The following ADRA1A variants were observed in gnomAD, a reference collection of about 807,000 sequenced individuals.
ADRA1A encodes alpha-1A adrenergic receptor.
A neutral mutation model predicts 29.6 loss-of-function variants in ADRA1A; 31 were observed. That is an observed-to-expected ratio of 1.05 (90% CI 0.79 to 1.41). ADRA1A has a LOEUF of 1.41. Ranked by LOEUF, ADRA1A falls within the 40% of genes most tolerant of loss-of-function variation. The pLI, the probability that ADRA1A is intolerant of heterozygous loss-of-function variation, is 0.00. For missense variants in ADRA1A, 619 were observed against 601.1 expected (o/e 1.03, Z -0.31); for synonymous variants, 311 against 254.3 (o/e 1.22, Z -2.12).
At position 26,864,661 on chromosome 8, in the gene ADRA1A, C is replaced by A; in HGVS notation, c.309G>T (p.Ala103=). The A allele has an allele frequency of 6.2e-7, 1 of 1,614,146 alleles. No individual in the cohort carries two copies. Among genetic ancestry groups the A allele is most frequent in the Non-Finnish European group, 8.5e-7 (1 of 1,180,032 alleles). ...AFGRVFCNIW[A]AVDVLCCTAS... ...CGGTGCAGCACAGCACATCCACTGC[C>A]GCCCAGATGTTGCAGAAGACCCTGC... Residue 103 remains alanine (A), a synonymous_variant, in exon 2 of 3, where the codon GCG becomes GCT. Coordinates refer to ENST00000380573, the MANE Select transcript of ADRA1A (RefSeq NM_000680.4). The surrounding 1 kb of genome is among the most constrained non-coding windows in gnomAD (Gnocchi z 8.1).
chr8:26,786,703 C>T (rs1807412702), intron 2 of ADRA1A, among the ~76,000 whole-genome samples: 1 of 151,408 alleles, frequency 6.6e-6, no homozygotes, highest in African/African-American at 2.4e-5. Flanking sequence ...GATCTTTGAT[C>T]CCCTTCCACC....
At chr8:26,833,832 C>T (rs498989) in intron 2 of ADRA1A, among the ~76,000 whole-genome samples, 73,294 of 152,042 alleles carry the variant, frequency 0.48, 18,573 homozygotes, top group Non-Finnish European at 0.55. Context: ...TTTCTGTTGA[C>T]ATGAAAAGAA....
chr8:26,786,748 G>GCA (rs1807422541), intron 2 of ADRA1A, among the ~76,000 whole-genome samples: 1 of 151,446 alleles, frequency 6.6e-6, no homozygotes, highest in East Asian at 1.9e-4. Flanking sequence ...CTGGGTTGGG[G>GCA]GGGGGGGTCT....
At chr8:26,757,523 C>CA (rs901296636) in intron 2 of ADRA1A, among the ~76,000 whole-genome samples, 2 of 151,606 alleles carry the variant, frequency 1.3e-5, no homozygotes, top group African/African-American at 4.9e-5. Flanking sequence ...CCCCCACCCC[C>CA]CACCTCTGCT....
At chr8:26,761,323 G>T (rs1805491444), downstream of ADRA1A, among the ~76,000 whole-genome samples, 1 of 152,208 alleles carries the variant, frequency 6.6e-6, no homozygotes, top group Admixed American at 6.5e-5. Context: ...ATAACATTTT[G>T]TATGGGCAGA....
At position 26,860,732 on chromosome 8, in the gene ADRA1A, C is replaced by T. The variant is rs1469177423; in HGVS notation, c.883+3355G>A. Among the ~76,000 whole-genome samples, 1 of 152,156 alleles carries T rather than the reference C, an allele frequency of 6.6e-6. No homozygotes were observed. The highest frequency in any genetic ancestry group is 1.5e-5 in the Non-Finnish European group (1 of 68,028). On this transcript the variant is annotated intron_variant, in intron 2 of 2. Transcript: ENST00000380573. The surrounding 1 kb of genome is among the most constrained non-coding windows in gnomAD (Gnocchi z 4.7). ...CCCTCTGTCTCTACTTGCCTCAGGG[C>T]TCACACACTTTGCTCTCCTTGTCAC...
rs548861271 is a variant in ADRA1A at position 26,774,753 on chromosome 8, C to G, written c.884-4087G>C. Among the ~76,000 whole-genome samples the G allele has an allele frequency of 9.9e-5, 15 of 152,126 alleles. No individual in the cohort carries two copies. In the South Asian group the frequency reaches 2.1e-3, roughly 21 times the overall value. Reference sequence around the variant, plus strand: ...CCACGTATTTCTTCCTTTATTTTTCCTCTCCTAGAAAGGAGAGATGGGGCT... The same window carrying G: ...CCACGTATTTCTTCCTTTATTTTTCGTCTCCTAGAAAGGAGAGATGGGGCT... On this transcript the variant is annotated intron_variant, in intron 2 of 2. Coordinates refer to ENST00000380573, the MANE Select transcript of ADRA1A (RefSeq NM_000680.4).
At chr8:26,756,714 C>G (rs773596300) in exon 3 of ADRA1A, 1 of 1,614,068 alleles carries the variant, frequency 6.2e-7, no homozygotes. Flanking sequence ...TCATGCTCCC[C>G]TTCCTTGGGC....
chr8:26,828,824 G>T (rs952392739), intron 2 of ADRA1A, among the ~76,000 whole-genome samples: 2 of 152,042 alleles, frequency 1.3e-5, no homozygotes, highest in African/African-American at 4.8e-5. Flanking sequence ...ATGGCTATTT[G>T]CTAGGGACAC....
At chr8:26,771,352 A>G (rs980654855) in intron 2 of ADRA1A, among the ~76,000 whole-genome samples, 2 of 152,162 alleles carry the variant, frequency 1.3e-5, no homozygotes, top group Admixed American at 1.3e-4. Context: ...CCAGCTTTCT[A>G]ATATGACTAG....
chr8:26,748,947 G>A (rs1439535064), intron 2 of ADRA1A, among the ~76,000 whole-genome samples: 1 of 152,100 alleles, frequency 6.6e-6, no homozygotes, highest in African/African-American at 2.4e-5. Flanking sequence ...CAGCAGGTGA[G>A]TGTCACCTTT....
chr8:26,789,137 T>A (rs898765138), intron 2 of ADRA1A, among the ~76,000 whole-genome samples: 1 of 151,766 alleles, frequency 6.6e-6, no homozygotes, highest in Admixed American at 6.6e-5. Flanking sequence ...AGGTGTGATG[T>A]TCCCCTAAAT....
chr8:26,775,088 T>A lies in ADRA1A; in HGVS notation c.884-4422A>T, dbSNP rs1359214793. ...GTGGGGAAGTCCATTCGAGCAGCCA[T>A]CCGGCCGGCTTTGCTCACTCACGGA... On this transcript the variant is annotated intron_variant, in intron 2 of 2. Coordinates refer to ENST00000380573, the MANE Select transcript of ADRA1A (RefSeq NM_000680.4). The surrounding 1 kb of genome is among the most constrained non-coding windows in gnomAD (Gnocchi z 4.1). 6.6e-6 allele frequency among the ~76,000 whole-genome samples: 1 copy of A among 152,116 alleles called. No individual in the cohort carries two copies. The highest frequency in any genetic ancestry group is 1.5e-5 in the Non-Finnish European group (1 of 68,018).
chr8:26,838,753 G>A (rs1024303866), intron 2 of ADRA1A, among the ~76,000 whole-genome samples: 6 of 152,194 alleles, frequency 3.9e-5, no homozygotes, highest in African/African-American at 1.4e-4. Context: ...GAAGATAAAG[G>A]TACTGTGTGC....
At position 26,757,218 on chromosome 8, in the gene ADRA1A, A is replaced by C. The variant is rs1805221633; in HGVS notation, c.1270-439T>G. 6 of 696,138 alleles carry C rather than the reference A, an allele frequency of 8.6e-6. No homozygotes were observed. The South Asian group carries it at 9.0e-5, about 10-fold the overall frequency. The allele number at this position is 696,138 out of a possible 1,614,324, so 43.1% of individuals were successfully genotyped here. ...TTTTCCTCTCTTTAAAACAAGTTTGAGATTCTGAGTCACGAGAGACCATTT... is the reference window on the plus strand; with the variant it reads ...TTTTCCTCTCTTTAAAACAAGTTTGCGATTCTGAGTCACGAGAGACCATTT... On this transcript the variant is annotated intron_variant, in intron 2 of 2. Transcript: ENST00000380582.
Position 26,769,468 on chromosome 8 carries a change from C to T in ADRA1A, c.*681G>A. On this transcript the variant is annotated 3_prime_UTR_variant, in exon 3 of 3. Transcript: ENST00000380573. The stretch of plus-strand genomic sequence containing the variant: ...TTGGTTCTTTCAACCCTCTCCTGAC[C>T]CAAGGATAGAGAACACTACATTCCA... 1 of 985,346 alleles carries T rather than the reference C, an allele frequency of 1.0e-6. No individual in the cohort carries two copies. The highest frequency in any genetic ancestry group is 1.2e-6 in the Non-Finnish European group (1 of 829,926). 61.0% of individuals were successfully genotyped at this position (985,346 alleles called of 1,614,324 possible).
In ADRA1A at chr8:26,848,400, A is replaced by C. The variant is rs760509225; in HGVS notation, c.883+15687T>G. On this transcript the variant is annotated intron_variant, in intron 2 of 2. Coordinates refer to ENST00000380573, the MANE Select transcript of ADRA1A (RefSeq NM_000680.4). The surrounding 1 kb of genome is among the most constrained non-coding windows in gnomAD (Gnocchi z 4.3). ...GATGATGTCACGAGGGTGAACCCTC[A>C]TAATGAGATTCATGCCCTTATACAA... Among the ~76,000 whole-genome samples the C allele has an allele frequency of 4.6e-5, 7 of 152,234 alleles. No individual in the cohort carries two copies. Among genetic ancestry groups the C allele is most frequent in the Non-Finnish European group, 1.0e-4 (7 of 68,048 alleles).
intron 2 of ADRA1A, among the ~76,000 whole-genome samples, chr8:26,844,595 A>G (rs191551370): frequency 6.6e-6 from 1 of 152,314 alleles, no homozygotes; most frequent in African/African-American, 2.4e-5. Context: ...GATCAGTTGA[A>G]TTTCGACAAG....
chr8:26,768,892 G>C lies in ADRA1A; in HGVS notation c.*1257C>G, dbSNP rs1805938718. ...TTCCCCAAGCTCTTGCAGAAAAGTA[G>C]GAATAGATGAAGTTGAGTTGACTAC... On this transcript the variant is annotated 3_prime_UTR_variant, in exon 3 of 3. Coordinates refer to ENST00000380573, the MANE Select transcript of ADRA1A (RefSeq NM_000680.4). The C allele has an allele frequency of 1.0e-6, 1 of 985,394 alleles. No homozygotes were observed. Among genetic ancestry groups the C allele is most frequent in the Non-Finnish European group, 1.2e-6 (1 of 829,920 alleles). The allele number at this position is 985,394 out of a possible 1,614,324, so 61.0% of individuals were successfully genotyped here. A position where few individuals can be genotyped will look rare whatever the true frequency, so the allele number is the denominator to read the frequency against.
Sources: gnomAD v4.1 joint callset for allele counts (sites outside exome capture counted in the v4.1 genomes callset) on GRCh38, gnomAD v4.1.1 for gene constraint, Gnocchi (gnomAD v3.1) non-coding constraint, MANE v1.5 for transcripts, NCBI Gene and HGNC (gene_info 2026-07-23, HGNC 2026-07-21) for gene names.